Variants in KPNA5 observed in about 807,000 individuals in gnomAD.
KPNA5 encodes the protein karyopherin subunit alpha 5.
KPNA5 carries 46 observed loss-of-function variants against 71.3 expected under a neutral mutation model. That is an observed-to-expected ratio of 0.65 (90% confidence interval 0.51 to 0.83). The LOEUF (loss-of-function observed/expected upper bound fraction) is 0.83, where lower values mean the gene tolerates loss of function less well. Among genes scored for constraint, KPNA5 ranks in the 40% least tolerant of loss-of-function variants. The pLI, the probability that KPNA5 is intolerant of heterozygous loss-of-function variation, is 0.00. For synonymous variants in KPNA5, 207 were observed against 201.4 expected, an observed-to-expected ratio of 1.03 and a Z score of -0.24; for missense variants, 547 against 628.3, an observed-to-expected ratio of 0.87 and a Z score of 1.38.
At chr6:116,684,022 C>T (rs1056828217) in intron 1 of KPNA5, among the ~76,000 whole-genome samples, 4 of 148,202 alleles carry the variant, frequency 2.7e-5, no homozygotes, top group East Asian at 2.1e-4. Context: ...AAGCAATTCT[C>T]CTGCCTCAGC....
rs1040538431 is a variant in KPNA5, at chr6:116,735,387, T to C, written c.*3064T>C. On this transcript the variant is annotated 3_prime_UTR_variant, in exon 14 of 14. Transcript: ENST00000368564. ...CTCAATTCAGCAATCTACTGGCTGCTTGCGAAACTGTGAAATCAAATTGTT... is the reference window on the plus strand; with the variant it reads ...CTCAATTCAGCAATCTACTGGCTGCCTGCGAAACTGTGAAATCAAATTGTT... The C allele has an allele frequency of 3.3e-5, 5 of 151,784 alleles. No homozygotes were observed. The highest frequency in any genetic ancestry group is 7.4e-5 in the Non-Finnish European group (5 of 67,738). 9.4% of individuals were successfully genotyped at this position (151,784 alleles called of 1,614,324 possible).
At chr6:116,721,317 T>C (rs954010168) in intron 8 of KPNA5, among the ~76,000 whole-genome samples, 1 of 151,360 alleles carries the variant, frequency 6.6e-6, no homozygotes, top group Admixed American at 6.6e-5. Flanking sequence ...AACATAGTTC[T>C]TTTTTTTTGT....
intron 5 of KPNA5, among the ~76,000 whole-genome samples, chr6:116,701,166 T>C (rs1412445673): frequency 1.3e-5 from 2 of 152,204 alleles, no homozygotes; most frequent in Non-Finnish European, 2.9e-5. Flanking sequence ...GTAATGCTTT[T>C]GGGTACATTT....
chr6:116,737,943 T>C lies in KPNA5; in HGVS notation c.*5620T>C, dbSNP rs2114525818. On this transcript the variant is annotated 3_prime_UTR_variant, in exon 14 of 14. Coordinates refer to ENST00000368564, the MANE Select transcript of KPNA5 (RefSeq NM_001366306.2). ...GATTTATTCTTAAGTCTTTCCCTAATTTCCCTAAACATTTAAGGTTGTTAA... is the reference window on the plus strand; with the variant it reads ...GATTTATTCTTAAGTCTTTCCCTAACTTCCCTAAACATTTAAGGTTGTTAA... 6.6e-6 allele frequency: 1 copy of C among 152,102 alleles called. No homozygotes were observed. The highest frequency in any genetic ancestry group is 1.5e-5 in the Non-Finnish European group (1 of 67,928). The allele number at this position is 152,102 out of a possible 1,614,324, so 9.4% of individuals were successfully genotyped here. A position where few individuals can be genotyped will look rare whatever the true frequency, so the allele number is the denominator to read the frequency against.
In KPNA5 at chr6:116,736,948, G is replaced by T. The variant is rs980824489; in HGVS notation, c.*4625G>T. 1 of 151,680 alleles carries T rather than the reference G, an allele frequency of 6.6e-6. No individual in the cohort carries two copies. Among genetic ancestry groups the T allele is most frequent in the Admixed American group, 6.6e-5 (1 of 15,168 alleles). 9.4% of individuals were successfully genotyped at this position (151,680 alleles called of 1,614,324 possible). ...TTTTATCATACTCAAGCTTTCCTCT[G>T]CTGGCTTGAACACAGCAAGTATAAT... On this transcript the variant is annotated 3_prime_UTR_variant, in exon 14 of 14. Coordinates refer to ENST00000368564, the MANE Select transcript of KPNA5 (RefSeq NM_001366306.2).
At chr6:116,696,415 T>C (rs1778031363) in intron 4 of KPNA5, among the ~76,000 whole-genome samples, 1 of 152,178 alleles carries the variant, frequency 6.6e-6, no homozygotes, top group Non-Finnish European at 1.5e-5. Context: ...ACTTTGCCTC[T>C]TTTGCAGGCA....
At chr6:116,690,829 A>G (rs981137227) in intron 2 of KPNA5, among the ~76,000 whole-genome samples, 1 of 152,166 alleles carries the variant, frequency 6.6e-6, no homozygotes, top group African/African-American at 2.4e-5. Context: ...TTTGCATATT[A>G]CCTGCACACA....
intron 2 of KPNA5, 114 bp downstream of exon 2, chr6:116,689,567 T>C (rs1777715991): frequency 2.2e-6 from 2 of 894,936 alleles, no homozygotes; most frequent in East Asian, 6.1e-5. Flanking sequence ...AATCTATTAT[T>C]TATTAGACTC....
intron 7 of KPNA5, among the ~76,000 whole-genome samples, chr6:116,715,413 A>G (rs774652793): frequency 1.2e-4 from 18 of 152,180 alleles, no homozygotes; most frequent in Non-Finnish European, 8.8e-5. Context: ...AAAAATACCT[A>G]TAAGTAGTAA....
chr6:116,689,436 CAAAAA>C lies in KPNA5; in HGVS notation c.123_127del (p.Lys42ArgfsTer16). The stretch of plus-strand genomic sequence containing the variant: ...AGAAGAAGGAATACAGCTTAGAAAA[CAAAAA>C]AGAGAAGAACAGGTAGGTGTTTTTA... On this transcript the variant is annotated frameshift_variant, in exon 2 of 14. Coordinates refer to ENST00000368564, the MANE Select transcript of KPNA5 (RefSeq NM_001366306.2). LOFTEE classifies it high-confidence loss of function. 6 of 1,575,798 alleles carry C rather than the reference CAAAAA, an allele frequency of 3.8e-6. No individual in the cohort carries two copies. Among genetic ancestry groups the C allele is most frequent in the Non-Finnish European group, 5.1e-6 (6 of 1,167,034 alleles).
chr6:116,728,053 C>T (rs947854430), intron 12 of KPNA5, among the ~76,000 whole-genome samples: 4 of 152,008 alleles, frequency 2.6e-5, no homozygotes, highest in African/African-American at 4.8e-5. Context: ...TTATCTTGCT[C>T]TCTCAAATTT....
intron 8 of KPNA5, among the ~76,000 whole-genome samples, chr6:116,718,776 TTC>T (rs1778998627): frequency 6.6e-6 from 1 of 151,510 alleles, no homozygotes; most frequent in South Asian, 2.1e-4. Flanking sequence ...TTTTTTTTTC[TTC>T]TTTTTTTGAG....
intron 6 of KPNA5, 123 bp downstream of exon 6, chr6:116,702,273 G>T: frequency 3.0e-6 from 3 of 988,308 alleles, no homozygotes; most frequent in Non-Finnish European, 4.4e-6. Flanking sequence ...TTAAATTGTA[G>T]TAGTGTTTTG....
chr6:116,687,910 A>C (rs142313199), intron 1 of KPNA5, among the ~76,000 whole-genome samples: 1 of 152,206 alleles, frequency 6.6e-6, no homozygotes, highest in Non-Finnish European at 1.5e-5. Context: ...GTTTAATTCT[A>C]TTCCTTAGGA....
intron 7 of KPNA5, among the ~76,000 whole-genome samples, chr6:116,711,864 A>G (rs570865129): frequency 6.6e-6 from 1 of 152,158 alleles, no homozygotes; most frequent in East Asian, 1.9e-4. Context: ...CACGTGAGCC[A>G]CCTGCCTTGG....
At chr6:116,688,648 T>C (rs1321737011) in intron 1 of KPNA5, among the ~76,000 whole-genome samples, 1 of 152,186 alleles carries the variant, frequency 6.6e-6, no homozygotes, top group Non-Finnish European at 1.5e-5. Context: ...AAAATAGGTA[T>C]ATAAATGTTA....
intron 4 of KPNA5, among the ~76,000 whole-genome samples, 179 bp downstream of exon 4, chr6:116,692,571 T>C (rs1777846566): frequency 6.6e-6 from 1 of 152,058 alleles, no homozygotes; most frequent in Non-Finnish European, 1.5e-5. Flanking sequence ...CAAAGTAACA[T>C]ATGTTGACTG....
chr6:116,700,197 C>T (rs991381500), intron 5 of KPNA5, among the ~76,000 whole-genome samples: 4 of 152,010 alleles, frequency 2.6e-5, no homozygotes, highest in African/African-American at 7.3e-5. Context: ...ATTTGCTGGG[C>T]GTGGTGACTC....
chr6:116,725,987 G>A (rs1389477350), intron 11 of KPNA5, 111 bp downstream of exon 11: 25 of 1,198,892 alleles, frequency 2.1e-5, no homozygotes, highest in Non-Finnish European at 2.8e-5. Flanking sequence ...TACCGAAAAA[G>A]TATTTTAAAG....
Sources: gnomAD v4.1 joint callset for allele counts (sites outside exome capture counted in the v4.1 genomes callset) on GRCh38, gnomAD v4.1.1 for gene constraint, MANE v1.5 for transcripts, NCBI Gene and HGNC (gene_info 2026-07-23, HGNC 2026-07-21) for gene names.